PLK5: variants seen among roughly 807,000 people sequenced by gnomAD.
The protein encoded by PLK5 is polo like kinase 5 (inactive), also known as inactive serine/threonine-protein kinase PLK5.
PLK5 carries 28 observed loss-of-function variants against 33.7 expected under a neutral mutation model. That is an observed-to-expected ratio of 0.83 (90% CI 0.62 to 1.14). The LOEUF (loss-of-function observed/expected upper bound fraction) is 1.14, where lower values mean the gene tolerates loss of function less well. PLK5 is among the 50% of genes most tolerant of loss of function. The pLI, the probability that PLK5 is intolerant of heterozygous loss-of-function variation, is 0.00. For missense variants in PLK5, 492 were observed against 461.5 expected, an observed-to-expected ratio of 1.07 and a Z score of -0.61; for synonymous variants, 225 against 202.2, an observed-to-expected ratio of 1.11 and a Z score of -0.96.
chr19:1,524,624 T>C lies in PLK5; in HGVS notation c.-544+378T>C, dbSNP rs1284047113. On this transcript the variant is annotated intron_variant, in intron 1 of 13. Transcript: ENST00000454744. The surrounding 1 kb of genome is among the most constrained non-coding windows in gnomAD (Gnocchi z 4.5). Reference sequence around the variant, plus strand: ...TCGTGTGTGTGTGTGTGTGTGTGTGTGTGTGTGTCTGGGTGTTGTGTTGCT... The same window carrying C: ...TCGTGTGTGTGTGTGTGTGTGTGTGCGTGTGTGTCTGGGTGTTGTGTTGCT... 2.8e-5 allele frequency among the ~76,000 whole-genome samples: 4 copies of C among 141,730 alleles called. No individual in the cohort carries two copies. Among genetic ancestry groups the C allele is most frequent in the Non-Finnish European group, 3.1e-5 (2 of 65,394 alleles). 93.0% of individuals were successfully genotyped at this position (141,730 alleles called of 152,430 possible).
intron 10 of PLK5, 24 bp downstream of exon 10, chr19:1,529,514 C>T (rs946139922): frequency 6.5e-6 from 10 of 1,529,832 alleles, no homozygotes; most frequent in South Asian, 2.4e-5. Context: ...CGTCCCAGCC[C>T]GGGGCTGCAG....
In PLK5 at chr19:1,529,837, C is replaced by T. The variant is rs1039060786; in HGVS notation, c.568+13C>T. The T allele has an allele frequency of 2.0e-6, 3 of 1,534,460 alleles. No homozygotes were observed. The highest frequency in any genetic ancestry group is 2.6e-6 in the Non-Finnish European group (3 of 1,146,232). On this transcript the variant is annotated intron_variant, in intron 11 of 13. Transcript: ENST00000454744. ...GTAGGCCCCCCGGGTAGGAGCCGGC[C>T]CAGCCCCCAGGATCACCTTTACTCT...
chr19:1,529,319 G>A (rs986481376), intron 9 of PLK5, 87 bp from the exon 10 acceptor site: 4 of 1,213,040 alleles, frequency 3.3e-6, no homozygotes, highest in Non-Finnish European at 3.5e-6. Context: ...GGAGGGCACA[G>A]GCAGGGGCCA....
chr19:1,525,039 T>G (rs1167290313), intron 1 of PLK5: 1 of 152,910 alleles, frequency 6.5e-6, no homozygotes, highest in Non-Finnish European at 1.5e-5. Flanking sequence ...AGGCGTGGTG[T>G]TGTGCATCCG....
In PLK5 at chr19:1,528,053, C is replaced by T. The variant is rs1053852310; in HGVS notation, c.120C>T (p.Arg40=). 31 of 1,536,010 alleles carry T rather than the reference C, an allele frequency of 2.0e-5. No homozygotes were observed. The African/African-American group carries it at 3.4e-4, about 17-fold the overall frequency. The part of the protein sequence containing the change: ...EPAHLSANAR[R]LIVHLLAPNP... ...CTCACCTGTCTGCCAATGCGCGCCG[C>T]CTCATCGTGCACCTCCTAGCACCCA... The change falls in exon 7 of 14, where the codon CGC becomes CGT. Residue 40 remains arginine, a synonymous_variant. Transcript: ENST00000454744.
chr19:1,534,157 A>T, intron 13 of PLK5, 116 bp downstream of exon 13: 4 of 396,494 alleles, frequency 1.0e-5, no homozygotes, highest in Non-Finnish European at 9.0e-6. Flanking sequence ...CCTCCCAGGA[A>T]AAAAAAAAAA....
intron 12 of PLK5, 96 bp downstream of exon 12, chr19:1,531,979 C>G: frequency 1.5e-6 from 2 of 1,291,116 alleles, no homozygotes; most frequent in Non-Finnish European, 2.0e-6. Flanking sequence ...ACTGTGCACA[C>G]CTACAGGTGC....
chr19:1,528,224 C>T, intron 7 of PLK5, 78 bp from the exon 8 acceptor site: 1 of 1,534,400 alleles, frequency 6.5e-7, no homozygotes, highest in Non-Finnish European at 8.7e-7. Context: ...GAGGGAGGCC[C>T]CGCCCTGTCC....
intron 9 of PLK5, 102 bp downstream of exon 9, chr19:1,529,076 G>T: frequency 1.9e-6 from 2 of 1,054,540 alleles, no homozygotes; most frequent in Non-Finnish European, 2.6e-6. Context: ...ACCCCTTCTG[G>T]GGTCTCCAAG....
intron 11 of PLK5, among the ~76,000 whole-genome samples, chr19:1,530,481 T>C (rs1428440769): frequency 3.3e-5 from 5 of 151,816 alleles, no homozygotes; most frequent in African/African-American, 1.2e-4. Context: ...ATTCTTTTAG[T>C]AGAGACAGGG....
intron 7 of PLK5, 28 bp from the exon 8 acceptor site, chr19:1,528,274 G>T: frequency 6.5e-7 from 1 of 1,535,884 alleles, no homozygotes; most frequent in Non-Finnish European, 8.7e-7. Context: ...GACCTAAGCC[G>T]GGGATAACCC....
chr19:1,532,528 T>C (rs895748051), intron 12 of PLK5, among the ~76,000 whole-genome samples: 1 of 148,358 alleles, frequency 6.7e-6, no homozygotes, highest in East Asian at 2.0e-4. Flanking sequence ...CTTCTTTTTT[T>C]TTTTTTTTTT....
intron 12 of PLK5, among the ~76,000 whole-genome samples, chr19:1,532,318 C>T (rs575485811): frequency 7.0e-4 from 107 of 151,978 alleles, no homozygotes; most frequent in African/African-American, 2.2e-3. Flanking sequence ...GGTGCGGACT[C>T]GCTTGAACCC....
chr19:1,526,343 C>T (rs575446180), intron 3 of PLK5, 143 bp from the exon 4 acceptor site: 2 of 162,544 alleles, frequency 1.2e-5, no homozygotes, highest in South Asian at 1.6e-4. Flanking sequence ...CATCTGAACC[C>T]GCATGCTCCT....
At position 1,531,824 on chromosome 19, in the gene PLK5, C is replaced by T. The variant is rs1429285444; in HGVS notation, c.655C>T (p.Gln219Ter). 4 of 1,534,352 alleles carry T rather than the reference C, an allele frequency of 2.6e-6. No individual in the cohort carries two copies. Among genetic ancestry groups the T allele is most frequent in the Non-Finnish European group, 3.5e-6 (4 of 1,146,118 alleles). ...TTCCAGCAAATACGGCTTTGGCTAC[C>T]AGCTCTTGGACGGGGGGCGCACGGG... is the stretch of plus-strand genomic sequence containing the variant. ...DYSSKYGFGY[Q>*]LLDGGRTGRH... Residue 219 changes from glutamine to a stop codon, truncating the protein, a stop_gained, in exon 12 of 14, where the codon CAG becomes TAG. Transcript: ENST00000454744. LOFTEE classifies it high-confidence loss of function.
intron 9 of PLK5, 49 bp from the exon 10 acceptor site, chr19:1,529,357 C>CCTGGGG (rs1218602261): frequency 8.8e-6 from 13 of 1,471,896 alleles, no homozygotes; most frequent in East Asian, 2.5e-5. Flanking sequence ...CACGCCTGTC[C>CCTGGGG]CTGGGGCTGG....
At position 1,529,411 on chromosome 19, in the gene PLK5, C is replaced by G. The variant is rs1416825914; in HGVS notation, c.411C>G (p.Ser137=). Residue 137 remains serine (S), a synonymous_variant, in exon 10 of 14, where the codon TCC becomes TCG. Coordinates refer to ENST00000454744, the MANE Select transcript of PLK5 (RefSeq NM_001243079.2). ...PDSMEWDGES[S]LSAKEVPCLE... is the part of the protein sequence containing the mutation. The stretch of plus-strand genomic sequence containing the variant: ...CCCTGCTGCTCCCACCTCAGAGCTC[C>G]CTGTCTGCGAAAGAGGTTCCCTGCC... 5 of 1,535,870 alleles carry G rather than the reference C, an allele frequency of 3.3e-6. No homozygotes were observed. In the East Asian group the frequency reaches 1.2e-4, roughly 38 times the overall value.
At chr19:1,529,298 G>A in intron 9 of PLK5, 108 bp from the exon 10 acceptor site, 5 of 986,242 alleles carry the variant, frequency 5.1e-6, no homozygotes, top group Non-Finnish European at 7.5e-6. Context: ...GTGCCTCTGT[G>A]TGCAGAGCAC....
intron 13 of PLK5, among the ~76,000 whole-genome samples, chr19:1,534,649 CAAAAAAAA>C (rs531471498): frequency 5.8e-5 from 8 of 138,452 alleles, no homozygotes; most frequent in Non-Finnish European, 1.3e-4. Flanking sequence ...ACTAAAAATA[CAAAAAAAA>C]AAAAAAAAAA....
Sources: gnomAD v4.1 joint callset for allele counts (sites outside exome capture counted in the v4.1 genomes callset) on GRCh38, gnomAD v4.1.1 for gene constraint, Gnocchi (gnomAD v3.1) non-coding constraint, MANE v1.5 for transcripts, NCBI Gene and HGNC (gene_info 2026-07-23, HGNC 2026-07-21) for gene names.